TMED6: variants seen among roughly 807,000 people sequenced by gnomAD.
TMED6 encodes transmembrane p24 trafficking protein 6.
A neutral mutation model predicts 26.5 loss-of-function variants in TMED6; 17 were observed. The observed-to-expected ratio is 0.64, with a 90% CI of 0.44 to 0.96. The LOEUF is 0.96. Among genes scored for constraint, TMED6 ranks in the 40% least tolerant of loss-of-function variants. The pLI, the probability that TMED6 is intolerant of heterozygous loss-of-function variation, is 0.00. For synonymous variants in TMED6, 107 were observed against 106.2 expected (o/e 1.01, Z -0.04); for missense variants, 309 against 296.5 (o/e 1.04, Z -0.31).
intron 1 of TMED6, 91 bp downstream of exon 1, chr16:69,351,450 A>C (rs1442978755): frequency 8.1e-7 from 1 of 1,230,890 alleles, no homozygotes; most frequent in Non-Finnish European, 1.2e-6. Flanking sequence ...TAATAAAGAC[A>C]ACCAGACCTT....
intron 3 of TMED6, among the ~76,000 whole-genome samples, chr16:69,345,416 G>A (rs991649569): frequency 6.6e-6 from 1 of 152,070 alleles, no homozygotes; most frequent in Non-Finnish European, 1.5e-5. Flanking sequence ...GGGTGCGGTG[G>A]CTCACGCCTG....
intron 3 of TMED6, among the ~76,000 whole-genome samples, chr16:69,346,189 A>T (rs1235470090): frequency 2.0e-5 from 3 of 152,236 alleles, no homozygotes; most frequent in Admixed American, 6.5e-5. Flanking sequence ...TGCTAGCAAG[A>T]GTTTAAAATG....
chr16:69,345,494 C>T (rs924326076), intron 3 of TMED6, among the ~76,000 whole-genome samples: 4 of 151,652 alleles, frequency 2.6e-5, no homozygotes, highest in Non-Finnish European at 5.9e-5. Context: ...CCAGCCTGAC[C>T]AACATGGTGA....
At position 69,348,048 on chromosome 16, in the gene TMED6, TA is replaced by T; in HGVS notation, c.341-113del. 1.1e-5 allele frequency: 12 copies of T among 1,137,178 alleles called. No homozygotes were observed. The South Asian group carries it at 1.7e-4, about 16-fold the overall frequency. 70.4% of individuals were successfully genotyped at this position (1,137,178 alleles called of 1,614,324 possible). On this transcript the variant is annotated intron_variant, in intron 2 of 3. Coordinates refer to ENST00000288025, the MANE Select transcript of TMED6 (RefSeq NM_144676.4). The stretch of plus-strand genomic sequence containing the variant: ...GAATTCTACTACAGGACCTTCTTTT[TA>T]CTTAGAAAGTACAAAGATCCCGTTT...
chr16:69,351,427 G>T, intron 1 of TMED6, 114 bp downstream of exon 1: 1 of 920,084 alleles, frequency 1.1e-6, no homozygotes, highest in Non-Finnish European at 1.7e-6. Context: ...TTAACAGGTG[G>T]GGAATCACAG....
intron 3 of TMED6, among the ~76,000 whole-genome samples, chr16:69,344,516 T>C (rs1361399427): frequency 6.6e-6 from 1 of 152,018 alleles, no homozygotes; most frequent in Non-Finnish European, 1.5e-5. Context: ...CTCATACCTG[T>C]AATCCCAGCA....
At chr16:69,345,893 G>T (rs1411521877) in intron 3 of TMED6, among the ~76,000 whole-genome samples, 1 of 151,964 alleles carries the variant, frequency 6.6e-6, no homozygotes, top group African/African-American at 2.4e-5. Context: ...TGTTTCCCAG[G>T]CTAGTCTCAA....
intron 1 of TMED6, 78 bp from the exon 2 acceptor site, chr16:69,349,729 C>T: frequency 6.4e-7 from 1 of 1,554,186 alleles, no homozygotes; most frequent in Non-Finnish European, 8.8e-7. Flanking sequence ...GATTGACGTC[C>T]CACGGTCATC....
intron 3 of TMED6, among the ~76,000 whole-genome samples, chr16:69,345,096 T>TATAAATAA (rs143814917): frequency 5.3e-5 from 8 of 150,744 alleles, no homozygotes; most frequent in Non-Finnish European, 8.9e-5. Flanking sequence ...CTCAAAAAAA[T>TATAAATAA]ATAAATAAAT....
chr16:69,343,616 T>C lies in TMED6; in HGVS notation c.514A>G (p.Asn172Asp), dbSNP rs747462090. The change falls in exon 4 of 4, where the codon AAT (asparagine) becomes GAT (aspartate). Residue 172 changes from asparagine (N) to aspartate (D), a missense_variant. Asn to Asp is a conservative substitution (Grantham distance 23). Coordinates refer to ENST00000288025, the MANE Select transcript of TMED6 (RefSeq NM_144676.4). ...TAGTATCGCCACATGTGAAAGATAT[T>C]GTTCTGCACCTTTTGTGTGCCGTCC... is the stretch of plus-strand genomic sequence containing the variant. Reference protein sequence around the residue: ...IEDGTQKVQNNIFHMWRYYNF... With the variant: ...IEDGTQKVQNDIFHMWRYYNF... The C allele has an allele frequency of 6.2e-7, 1 of 1,613,920 alleles. No homozygotes were observed.
chr16:69,351,649 G>C lies in TMED6; in HGVS notation c.105C>G (p.Leu35=). The change falls in exon 1 of 4, where the codon CTC becomes CTG. Residue 35 remains leucine (L), a synonymous_variant. Transcript: ENST00000288025. ...AGTCATATCGATCAGCTCCACGGAA[G>C]AGTGGCTGGTCCCCAGAGCCACTTA... ...EPLSGSGDQP[L]FRGADRYDFA... 1 of 1,614,112 alleles carries C rather than the reference G, an allele frequency of 6.2e-7. No homozygotes were observed. The highest frequency in any genetic ancestry group is 8.5e-7 in the Non-Finnish European group (1 of 1,180,032).
chr16:69,345,586 G>A (rs1006976179), intron 3 of TMED6, among the ~76,000 whole-genome samples: 3 of 147,418 alleles, frequency 2.0e-5, no homozygotes, highest in African/African-American at 7.6e-5. Context: ...AGGAGGCTGA[G>A]GCAGGTGAAT....
chr16:69,343,592 A>G lies in TMED6; in HGVS notation c.538T>C (p.Tyr180His), dbSNP rs766135779. 3.5e-5 allele frequency: 56 copies of G among 1,614,212 alleles called. No homozygotes were observed. In the South Asian group the frequency reaches 6.0e-4, roughly 17 times the overall value. ...QNNIFHMWRYYNFARMRKMAD... is the reference protein window; with the variant it reads ...QNNIFHMWRYHNFARMRKMAD... ...ATTTTCCTCATCCGGGCAAAGTTGT[A>G]GTATCGCCACATGTGAAAGATATTG... is the stretch of plus-strand genomic sequence containing the variant. The change falls in exon 4 of 4, where the codon TAC becomes CAC. Residue 180 changes from tyrosine (Y) to histidine (H), a missense_variant. Physicochemically the swap from Tyr to His is moderately conservative, Grantham distance 83 (BLOSUM62 2). Coordinates refer to ENST00000288025, the MANE Select transcript of TMED6 (RefSeq NM_144676.4).
At position 69,343,580 on chromosome 16, in the gene TMED6, G is replaced by A. The variant is rs767410814; in HGVS notation, c.550C>T (p.Arg184Trp). ...AAAAAGTCAGCCATTTTCCTCATCC[G>A]GGCAAAGTTGTAGTATCGCCACATG... ...FHMWRYYNFARMRKMADFFLI... is the reference protein window; with the variant it reads ...FHMWRYYNFAWMRKMADFFLI... The change falls in exon 4 of 4, where the codon CGG (arginine) becomes TGG (tryptophan). Residue 184 changes from arginine to tryptophan, a missense_variant. Physicochemically the swap from Arg to Trp is moderately radical, Grantham distance 101 (BLOSUM62 -3). Coordinates refer to ENST00000288025, the MANE Select transcript of TMED6 (RefSeq NM_144676.4). 15 of 1,614,008 alleles carry A rather than the reference G, an allele frequency of 9.3e-6. No homozygotes were observed. The highest frequency in any genetic ancestry group is 5.3e-5 in the African/African-American group (4 of 74,894).
At chr16:69,348,000 G>A in intron 2 of TMED6, 64 bp from the exon 3 acceptor site, 1 of 1,564,474 alleles carries the variant, frequency 6.4e-7, no homozygotes, top group Non-Finnish European at 8.7e-7. Flanking sequence ...GGATTCCCTG[G>A]AGGTATCTGT....
intron 3 of TMED6, among the ~76,000 whole-genome samples, chr16:69,344,733 A>T (rs2012654973): frequency 6.6e-6 from 1 of 150,534 alleles, no homozygotes; most frequent in Non-Finnish European, 1.5e-5. Context: ...AGATCGTGCC[A>T]CTGTACTCCA....
chr16:69,348,108 T>G, intron 2 of TMED6, 172 bp from the exon 3 acceptor site: 3 of 637,730 alleles, frequency 4.7e-6, no homozygotes, highest in Non-Finnish European at 7.7e-6. Context: ...ATGTTAAACT[T>G]ATACTAAATA....
chr16:69,343,880 G>A (rs1395322638), intron 3 of TMED6, among the ~76,000 whole-genome samples: 1 of 152,196 alleles, frequency 6.6e-6, no homozygotes, highest in Non-Finnish European at 1.5e-5. Flanking sequence ...CCAGGCAGGA[G>A]TACAGTGGCG....
chr16:69,344,089 T>G (rs1160834281), intron 3 of TMED6, among the ~76,000 whole-genome samples: 2 of 152,024 alleles, frequency 1.3e-5, no homozygotes, highest in Non-Finnish European at 2.9e-5. Flanking sequence ...CACACTGGCC[T>G]CCCAAAGTGT....
Sources: gnomAD v4.1 joint callset for allele counts (sites outside exome capture counted in the v4.1 genomes callset) on GRCh38, gnomAD v4.1.1 for gene constraint, MANE v1.5 for transcripts, NCBI Gene and HGNC (gene_info 2026-07-23, HGNC 2026-07-21) for gene names.